SLC24A2: variants seen among roughly 807,000 people sequenced by gnomAD.
SLC24A2 encodes solute carrier family 24 member 2.
In SLC24A2, 36 loss-of-function variants were observed where a neutral mutation model predicts 62.0. The ratio of observed to expected loss-of-function variants is 0.58; its 90% CI spans 0.44 to 0.77. The LOEUF (loss-of-function observed/expected upper bound fraction) is 0.77. Ranked by LOEUF, SLC24A2 falls within the 30% of genes least tolerant of loss-of-function variation. SLC24A2 has a pLI of 0.00. For missense variants in SLC24A2, 846 were observed against 817.9 expected (o/e 1.03, Z -0.42); for synonymous variants, 358 against 294.0 (o/e 1.22, Z -2.23).
chr9:19,546,746 AC>A (rs113852131), intron 8 of SLC24A2, among the ~76,000 whole-genome samples: 234 of 135,470 alleles, frequency 1.7e-3, no homozygotes, highest in African/African-American at 8.4e-3. Flanking sequence ...AAAAAAAAAA[AC>A]AACACAAAAC....
At chr9:19,757,380 T>C (rs1336639490) in intron 2 of SLC24A2, among the ~76,000 whole-genome samples, 1 of 152,208 alleles carries the variant, frequency 6.6e-6, no homozygotes, top group Admixed American at 6.5e-5. Flanking sequence ...ATAAAGTTAG[T>C]TGCCAAGAAG....
intron 2 of SLC24A2, among the ~76,000 whole-genome samples, chr9:19,636,581 G>A (rs1429467073): frequency 6.6e-6 from 1 of 150,928 alleles, no homozygotes; most frequent in Non-Finnish European, 1.5e-5. Flanking sequence ...ATTACAGGCA[G>A]CCATCAACTT....
the SLC24A2 span, among the ~76,000 whole-genome samples, chr9:20,279,156 T>C: frequency 6.6e-6 from 1 of 152,200 alleles, no homozygotes; most frequent in Non-Finnish European, 1.5e-5. Flanking sequence ...GTCCCTCCCA[T>C]GACACATGGG....
chr9:19,780,275 C>T (rs1587316950), intron 2 of SLC24A2, among the ~76,000 whole-genome samples: 1 of 147,022 alleles, frequency 6.8e-6, no homozygotes. Context: ...TTTTCTTTTT[C>T]TTTTTTTTTT....
chr9:19,558,531 G>C (rs1835221011), intron 7 of SLC24A2, among the ~76,000 whole-genome samples: 1 of 152,162 alleles, frequency 6.6e-6, no homozygotes, highest in South Asian at 2.1e-4. Context: ...CATAACTGTG[G>C]ATAATCTTGG....
At chr9:20,056,548 G>T in the SLC24A2 span, among the ~76,000 whole-genome samples, 1 of 152,168 alleles carries the variant, frequency 6.6e-6, no homozygotes, top group Admixed American at 6.5e-5. Context: ...AATTAATTAC[G>T]TAATAAGCAC....
the SLC24A2 span, among the ~76,000 whole-genome samples, chr9:19,854,131 G>C: frequency 6.6e-6 from 1 of 152,096 alleles, no homozygotes; most frequent in Non-Finnish European, 1.5e-5. Context: ...TATTTCTGTG[G>C]GGTCAGTGGT....
At chr9:20,113,279 C>T in the SLC24A2 span, among the ~76,000 whole-genome samples, 1 of 152,138 alleles carries the variant, frequency 6.6e-6, no homozygotes, top group Non-Finnish European at 1.5e-5. Flanking sequence ...GGAGCCAAAT[C>T]CTGGCTGCAC....
chr9:20,107,231 G>A, the SLC24A2 span, among the ~76,000 whole-genome samples: 3 of 152,220 alleles, frequency 2.0e-5, no homozygotes, highest in Admixed American at 2.0e-4. Context: ...CATGCTCATG[G>A]GTAGGAAGAA....
At chr9:19,619,375 C>T (rs1219898538) in intron 4 of SLC24A2, among the ~76,000 whole-genome samples, 2 of 152,208 alleles carry the variant, frequency 1.3e-5, no homozygotes, top group African/African-American at 4.8e-5. Flanking sequence ...ACGGACCTCA[C>T]ATCCTACTCC....
chr9:19,754,021 A>G (rs896249577), intron 2 of SLC24A2, among the ~76,000 whole-genome samples: 1 of 152,218 alleles, frequency 6.6e-6, no homozygotes, highest in Non-Finnish European at 1.5e-5. Context: ...ACATGGATAC[A>G]AAAAAGCACA....
chr9:20,090,370 G>T, the SLC24A2 span, among the ~76,000 whole-genome samples: 1 of 152,144 alleles, frequency 6.6e-6, no homozygotes, highest in Non-Finnish European at 1.5e-5. Context: ...CAGAGCTGTC[G>T]TGGGTAGCCT....
chr9:19,908,711 G>C, the SLC24A2 span, among the ~76,000 whole-genome samples: 1 of 152,150 alleles, frequency 6.6e-6, no homozygotes, highest in Non-Finnish European at 1.5e-5. Flanking sequence ...CATTTATGCA[G>C]CCAAAAAACA....
chr9:19,859,385 C>A, the SLC24A2 span, among the ~76,000 whole-genome samples: 1 of 151,978 alleles, frequency 6.6e-6, no homozygotes, highest in Non-Finnish European at 1.5e-5. Flanking sequence ...TAAAAAACTA[C>A]CTATTGAGCA....
At chr9:20,198,041 C>T in the SLC24A2 span, among the ~76,000 whole-genome samples, 22 of 152,240 alleles carry the variant, frequency 1.4e-4, 2 homozygotes, top group South Asian at 4.6e-3. Flanking sequence ...AAGGTGGTTA[C>T]AAAACACCCC....
chr9:19,943,873 T>C, the SLC24A2 span, among the ~76,000 whole-genome samples: 1 of 152,236 alleles, frequency 6.6e-6, no homozygotes, highest in Non-Finnish European at 1.5e-5. Context: ...TGTAAGACAC[T>C]GAGTTAGAAG....
At chr9:19,988,252 CCT>C in the SLC24A2 span, among the ~76,000 whole-genome samples, 1 of 152,162 alleles carries the variant, frequency 6.6e-6, no homozygotes, top group Non-Finnish European at 1.5e-5. Context: ...AATTTAATTC[CCT>C]CTCCTCTTTT....
At chr9:19,744,582 T>A (rs1175164756) in intron 2 of SLC24A2, among the ~76,000 whole-genome samples, 1 of 152,130 alleles carries the variant, frequency 6.6e-6, no homozygotes, top group Non-Finnish European at 1.5e-5. Context: ...CCAACTGATG[T>A]TGTCACATGG....
chr9:20,118,092 G>T, the SLC24A2 span, among the ~76,000 whole-genome samples: 15,408 of 152,076 alleles, frequency 0.1, 1,481 homozygotes, highest in East Asian at 0.53. Context: ...TTAGGATAAA[G>T]AGTAAGTCAA....
Sources: allele counts gnomAD v4.1 joint callset (sites outside exome capture counted in the v4.1 genomes callset), GRCh38; gene constraint gnomAD v4.1.1; transcripts MANE v1.5; gene names NCBI Gene and HGNC (gene_info 2026-07-23, HGNC 2026-07-21).